Variants in MRTFB observed in about 807,000 individuals in gnomAD.
The protein encoded by MRTFB is myocardin-related transcription factor B.
A neutral mutation model predicts 104.2 loss-of-function variants in MRTFB; 29 were observed. That is an observed-to-expected ratio of 0.28 (90% CI 0.21 to 0.38). MRTFB has a LOEUF of 0.38. MRTFB is among the 10% of genes least tolerant of loss of function. The probability of loss-of-function intolerance (pLI) is 1.00; values close to 1 mark genes in which losing one functional copy is unlikely to be tolerated. For missense variants in MRTFB, 1,270 were observed against 1,341.6 expected (o/e 0.95, Z 0.83); for synonymous variants, 535 against 519.5 (o/e 1.03, Z -0.41).
intron 3 of MRTFB, among the ~76,000 whole-genome samples, chr16:14,181,721 C>A (rs1167137475): frequency 6.6e-6 from 1 of 152,118 alleles, no homozygotes; most frequent in African/African-American, 2.4e-5. Flanking sequence ...AGTATAGTAT[C>A]ATCACAGCAA....
At chr16:14,191,069 A>C (rs897119385) in intron 3 of MRTFB, among the ~76,000 whole-genome samples, 13 of 152,266 alleles carry the variant, frequency 8.5e-5, no homozygotes, top group South Asian at 2.1e-4. Flanking sequence ...GAGATTAAAT[A>C]AATCACTTTA....
chr16:14,090,947 TAGG>T (rs1371410181), intron 2 of MRTFB, among the ~76,000 whole-genome samples: 3 of 149,550 alleles, frequency 2.0e-5, no homozygotes, highest in Middle Eastern at 3.4e-3. Context: ...CAGCATAAAA[TAGG>T]AGGCAAGGAG....
intron 10 of MRTFB, 164 bp downstream of exon 10, chr16:14,240,648 G>A (rs2042726561): frequency 2.5e-6 from 3 of 1,183,356 alleles, no homozygotes; most frequent in Non-Finnish European, 2.5e-6. Flanking sequence ...TCCACATGGT[G>A]AGAGTGGCCT....
Position 14,246,710 on chromosome 16 carries a change from G to A in MRTFB, c.1450G>A (p.Glu484Lys). ...TAGCTCAGTCTCTACTCTCAAGGCAGAATTGCCACCTACAGGAACCAGCAA... is the reference window on the plus strand; with the variant it reads ...TAGCTCAGTCTCTACTCTCAAGGCAAAATTGCCACCTACAGGAACCAGCAA... ...VTSSVSTLKA[E>K]LPPTGTSNAT... The change falls in exon 12 of 17, where the codon GAA (glutamate) becomes AAA (lysine). Residue 484 changes from glutamate to lysine, a missense_variant. Coordinates refer to ENST00000571589, the MANE Select transcript of MRTFB (RefSeq NM_001308142.2). The A allele has an allele frequency of 6.2e-7, 1 of 1,614,178 alleles. No individual in the cohort carries two copies. Among genetic ancestry groups the A allele is most frequent in the Non-Finnish European group, 8.5e-7 (1 of 1,180,030 alleles).
At chr16:14,174,477 G>A (rs1305715124) in intron 3 of MRTFB, among the ~76,000 whole-genome samples, 1 of 152,106 alleles carries the variant, frequency 6.6e-6, no homozygotes, top group Admixed American at 6.6e-5. Flanking sequence ...GAGGTGAAGA[G>A]TTTGAGACTA....
intron 2 of MRTFB, among the ~76,000 whole-genome samples, chr16:14,114,181 C>G (rs548772929): frequency 6.6e-6 from 1 of 152,314 alleles, no homozygotes; most frequent in East Asian, 1.9e-4. Flanking sequence ...ATCTGAATAT[C>G]TCAATTATGC....
chr16:14,188,218 A>C (rs1365846979), intron 3 of MRTFB, among the ~76,000 whole-genome samples: 1 of 152,192 alleles, frequency 6.6e-6, no homozygotes, highest in Non-Finnish European at 1.5e-5. Context: ...TTTTTATAAA[A>C]ATCGATACCA....
At chr16:14,230,690 G>C (rs2042218780) in intron 8 of MRTFB, among the ~76,000 whole-genome samples, 1 of 152,202 alleles carries the variant, frequency 6.6e-6, no homozygotes, top group Admixed American at 6.5e-5. Flanking sequence ...TGGTGGGACT[G>C]TAAACTAGTT....
chr16:14,190,891 C>T (rs1168317191), intron 3 of MRTFB, among the ~76,000 whole-genome samples: 1 of 152,148 alleles, frequency 6.6e-6, no homozygotes, highest in East Asian at 1.9e-4. Context: ...CCAGTTCTGC[C>T]ACAGACTGGC....
the MRTFB span, among the ~76,000 whole-genome samples, chr16:14,060,603 C>A: frequency 6.6e-6 from 1 of 152,086 alleles, no homozygotes; most frequent in East Asian, 1.9e-4. Flanking sequence ...ATGCAGGGGT[C>A]TCAGGCTTGG....
At chr16:14,005,713 T>A in the MRTFB span, among the ~76,000 whole-genome samples, 1 of 152,146 alleles carries the variant, frequency 6.6e-6, no homozygotes, top group Non-Finnish European at 1.5e-5. Context: ...ACAGGAAATG[T>A]TTTATTGAGT....
At chr16:14,045,641 T>C in the MRTFB span, among the ~76,000 whole-genome samples, 1 of 152,220 alleles carries the variant, frequency 6.6e-6, no homozygotes, top group Non-Finnish European at 1.5e-5. Context: ...ATTGCTTGGA[T>C]TCACATTCTA....
At chr16:14,156,704 T>C (rs1253288193) in intron 3 of MRTFB, among the ~76,000 whole-genome samples, 1 of 152,234 alleles carries the variant, frequency 6.6e-6, no homozygotes, top group East Asian at 1.9e-4. Flanking sequence ...TAATTAATTG[T>C]GTATTATTTT....
At chr16:14,017,571 A>G in the MRTFB span, among the ~76,000 whole-genome samples, 1 of 129,988 alleles carries the variant, frequency 7.7e-6, no homozygotes, top group Non-Finnish European at 1.6e-5. Flanking sequence ...CCTTGCAACG[A>G]AAAGAGAACT....
At chr16:14,076,300 TC>T (rs2034047066) in intron 1 of MRTFB, among the ~76,000 whole-genome samples, 1 of 152,156 alleles carries the variant, frequency 6.6e-6, no homozygotes, top group African/African-American at 2.4e-5. Context: ...CAAGCGATTC[TC>T]CTGCCTCAGC....
chr16:14,130,979 C>G (rs1290714201), intron 2 of MRTFB, among the ~76,000 whole-genome samples: 1 of 152,152 alleles, frequency 6.6e-6, no homozygotes, highest in African/African-American at 2.4e-5. Flanking sequence ...GGGTCCTTCC[C>G]ATGACACATG....
the MRTFB span, among the ~76,000 whole-genome samples, chr16:14,026,339 A>T: frequency 6.6e-6 from 1 of 152,206 alleles, no homozygotes. Context: ...AAAGATACAA[A>T]AGCAATAAGA....
intron 10 of MRTFB, 70 bp from the exon 11 acceptor site, chr16:14,245,458 T>C: frequency 7.3e-7 from 1 of 1,374,632 alleles, no homozygotes; most frequent in Non-Finnish European, 9.9e-7. Context: ...TTAGTCAAAT[T>C]GTTAATAGAA....
At chr16:14,215,667 G>A (rs909419029) in intron 6 of MRTFB, among the ~76,000 whole-genome samples, 4 of 152,202 alleles carry the variant, frequency 2.6e-5, no homozygotes, top group African/African-American at 9.7e-5. Flanking sequence ...TTCTCCCCAA[G>A]TATCATCTTG....
Sources: gnomAD v4.1 joint callset for allele counts (sites outside exome capture counted in the v4.1 genomes callset) on GRCh38, gnomAD v4.1.1 for gene constraint, MANE v1.5 for transcripts, NCBI Gene and HGNC (gene_info 2026-07-23, HGNC 2026-07-21) for gene names.